The following TOLLIP variants were observed in gnomAD, a reference collection of about 807,000 sequenced individuals.
TOLLIP encodes toll interacting protein.
Under a neutral mutation model 33.5 loss-of-function variants are expected in TOLLIP, and 16 were observed. The observed-to-expected ratio is 0.48, with a 90% CI of 0.32 to 0.72. TOLLIP has a LOEUF of 0.72. Among genes scored for constraint, TOLLIP ranks in the 30% least tolerant of loss-of-function variants. TOLLIP has a pLI of 0.03. For missense variants in TOLLIP, 325 were observed against 396.6 expected (o/e 0.82, Z 1.53); for synonymous variants, 176 against 163.7 (o/e 1.07, Z -0.57).
At chr11:1,283,804 G>A (rs1262366284) in intron 5 of TOLLIP, among the ~76,000 whole-genome samples, 6 of 152,200 alleles carry the variant, frequency 3.9e-5, no homozygotes, top group Admixed American at 3.9e-4. Context: ...CAAAAAGACA[G>A]CCACAGAGCG....
chr11:1,286,246 G>A (rs1411878755), intron 4 of TOLLIP, among the ~76,000 whole-genome samples, 154 bp from the exon 5 acceptor site: 2 of 152,168 alleles, frequency 1.3e-5, no homozygotes, highest in Non-Finnish European at 2.9e-5. Flanking sequence ...CGAGCCCTGA[G>A]TGCACAGGGG....
intron 2 of TOLLIP, chr11:1,291,832 G>T (rs541431951): frequency 3.8e-5 from 6 of 158,288 alleles, no homozygotes; most frequent in Admixed American, 6.7e-5. Flanking sequence ...CCACCTCTGA[G>T]GGCACGGCCG....
intron 1 of TOLLIP, among the ~76,000 whole-genome samples, chr11:1,297,170 G>A (rs561932224): frequency 4.6e-5 from 7 of 152,250 alleles, no homozygotes; most frequent in South Asian, 2.1e-4. Context: ...CAAAGTGCAC[G>A]TGCTGAGGCC....
At chr11:1,279,292 G>A (rs915428929) in intron 5 of TOLLIP, among the ~76,000 whole-genome samples, 1 of 152,248 alleles carries the variant, frequency 6.6e-6, no homozygotes, top group African/African-American at 2.4e-5. Context: ...CCACGGTGTG[G>A]GCTGAGGGGC....
At chr11:1,282,301 A>G (rs1863527570) in intron 5 of TOLLIP, among the ~76,000 whole-genome samples, 1 of 152,240 alleles carries the variant, frequency 6.6e-6, no homozygotes, top group African/African-American at 2.4e-5. Flanking sequence ...GAGTGAAAAA[A>G]TAACATTCAT....
chr11:1,280,013 G>A (rs552283135), intron 5 of TOLLIP, among the ~76,000 whole-genome samples: 2 of 152,208 alleles, frequency 1.3e-5, no homozygotes, highest in South Asian at 4.1e-4. Flanking sequence ...TCCACAGAGC[G>A]TTATCACAAA....
chr11:1,284,228 CCCT>C, intron 5 of TOLLIP, among the ~76,000 whole-genome samples: 1 of 152,330 alleles, frequency 6.6e-6, no homozygotes, highest in Middle Eastern at 3.4e-3. Context: ...CAGATGCCCA[CCCT>C]CCTCTAACTC....
In TOLLIP at chr11:1,299,268, G is replaced by A. The variant is rs535886968; in HGVS notation, c.34-3474C>T. Among the ~76,000 whole-genome samples, 29 of 152,196 alleles carry A rather than the reference G, an allele frequency of 1.9e-4. 2 individuals carry two copies. The highest frequency in any genetic ancestry group is 1.3e-3 in the East Asian group (7 of 5,200). On this transcript the variant is annotated intron_variant, in intron 1 of 5. Transcript: ENST00000317204. ...CGGAGACCAGGCTTCAGTCCTCCCC[G>A]TACAAATACTGGTTACGCAACCTGC...
Position 1,288,783 on chromosome 11 carries a change from G to C in TOLLIP, c.367-7C>G, listed in dbSNP as rs755432979. 6.2e-7 allele frequency: 1 copy of C among 1,610,512 alleles called. No homozygotes were observed. Among genetic ancestry groups the C allele is most frequent in the Non-Finnish European group, 8.5e-7 (1 of 1,178,524 alleles). ...CGTCCATGGAGAAGGCTCTCTGCGG[G>C]AGACAAGAGGGAGAGGCCCCAGGCA... On this transcript the variant is annotated splice_region_variant and splice_polypyrimidine_tract_variant and intron_variant, in intron 3 of 5. Coordinates refer to ENST00000317204, the MANE Select transcript of TOLLIP (RefSeq NM_019009.4).
intron 1 of TOLLIP, among the ~76,000 whole-genome samples, chr11:1,300,476 C>A (rs1864236896): frequency 6.6e-6 from 1 of 152,210 alleles, no homozygotes; most frequent in Non-Finnish European, 1.5e-5. Context: ...CTTAATTCTT[C>A]TTTTTTGTCA....
intron 1 of TOLLIP, among the ~76,000 whole-genome samples, chr11:1,306,371 T>C (rs1421396776): frequency 1.3e-5 from 2 of 151,766 alleles, no homozygotes; most frequent in South Asian, 2.1e-4. Context: ...TCACGGCCCA[T>C]GGGATCTTGC....
intron 3 of TOLLIP, among the ~76,000 whole-genome samples, 173 bp from the exon 4 acceptor site, chr11:1,288,949 G>A (rs1000114589): frequency 3.9e-5 from 6 of 152,356 alleles, no homozygotes; most frequent in Admixed American, 6.5e-5. Flanking sequence ...CTTCACGATC[G>A]TATATCAGCC....
chr11:1,309,433 CG>C, intron 1 of TOLLIP, 32 bp downstream of exon 1: 1 of 1,248,194 alleles, frequency 8.0e-7, no homozygotes. Flanking sequence ...CGCAGGTCAC[CG>C]CCCCCGCCCG....
intron 5 of TOLLIP, among the ~76,000 whole-genome samples, chr11:1,281,607 G>A (rs965062101): frequency 3.9e-5 from 6 of 152,230 alleles, no homozygotes; most frequent in Admixed American, 3.3e-4. Flanking sequence ...AGGGGCTGGC[G>A]AGAAGCAGGG....
chr11:1,297,757 A>G (rs1864153701), intron 1 of TOLLIP, among the ~76,000 whole-genome samples: 1 of 152,154 alleles, frequency 6.6e-6, no homozygotes, highest in Non-Finnish European at 1.5e-5. Context: ...GAGGTGCCTG[A>G]GCGGAGTGGG....
chr11:1,299,863 G>A (rs992501524), intron 1 of TOLLIP, among the ~76,000 whole-genome samples: 5 of 152,192 alleles, frequency 3.3e-5, no homozygotes, highest in South Asian at 4.1e-4. Flanking sequence ...CCAGCGCATC[G>A]CCACGCGGCC....
chr11:1,279,198 C>A (rs111971432), intron 5 of TOLLIP, among the ~76,000 whole-genome samples: 1 of 152,262 alleles, frequency 6.6e-6, no homozygotes, highest in Admixed American at 6.5e-5. Flanking sequence ...GTGGCGCCGA[C>A]TGGCCCTCAA....
chr11:1,280,529 G>C (rs1475488751), intron 5 of TOLLIP, among the ~76,000 whole-genome samples: 1 of 152,072 alleles, frequency 6.6e-6, no homozygotes, highest in African/African-American at 2.4e-5. Context: ...AGAGAAAAGA[G>C]AGAAGCACTC....
intron 1 of TOLLIP, among the ~76,000 whole-genome samples, chr11:1,297,125 C>A (rs1864135531): frequency 6.6e-6 from 1 of 152,126 alleles, no homozygotes; most frequent in African/African-American, 2.4e-5. Flanking sequence ...CCGAGTGGAA[C>A]CTGGAACCCT....
Sources: gnomAD v4.1 joint callset for allele counts (sites outside exome capture counted in the v4.1 genomes callset) on GRCh38, gnomAD v4.1.1 for gene constraint, MANE v1.5 for transcripts, NCBI Gene and HGNC (gene_info 2026-07-23, HGNC 2026-07-21) for gene names.